Variants in RAD54L2 observed in about 807,000 individuals in gnomAD.
RAD54L2 encodes the protein RAD54 like 2.
Under a neutral mutation model 138.4 loss-of-function variants are expected in RAD54L2, and 27 were observed. That is an observed-to-expected ratio of 0.20 (90% CI 0.14 to 0.27). The LOEUF is 0.27. RAD54L2 is among the 10% of genes least tolerant of loss of function. RAD54L2 has a pLI of 1.00. For synonymous variants in RAD54L2, 644 were observed against 723.2 expected (o/e 0.89, Z 1.76); for missense variants, 1,396 against 1,890.2 (o/e 0.74, Z 4.85).
Position 51,587,117 on chromosome 3 carries a change from C to T in RAD54L2, c.-54-3250C>T, listed in dbSNP as rs1313015654. On this transcript the variant is annotated intron_variant, in intron 2 of 22. Coordinates refer to ENST00000684192, the MANE Select transcript of RAD54L2 (RefSeq NM_015106.4). ...GTGATTTCTTTCTTTTTTTTTTTCT[C>T]GAGATGGGAGTCTCGCTGTGTCGCC... Among the ~76,000 whole-genome samples, 16 of 148,776 alleles carry T rather than the reference C, an allele frequency of 1.1e-4. No individual in the cohort carries two copies. In the East Asian group the frequency reaches 1.8e-3, roughly 16 times the overall value.
At chr3:51,564,649 G>A (rs1699171945) in intron 2 of RAD54L2, among the ~76,000 whole-genome samples, 1 of 152,226 alleles carries the variant, frequency 6.6e-6, no homozygotes, top group Non-Finnish European at 1.5e-5. Context: ...AGGTGCAGTG[G>A]CTCACACCTG....
At position 51,557,249 on chromosome 3, in the gene RAD54L2, G is replaced by T. The variant is rs9866430; in HGVS notation, c.-55+15599G>T. The stretch of plus-strand genomic sequence containing the variant: ...CTGTTGCCCAGGCTGGCATGCAGTG[G>T]CATGGCTCACTGTAGCCTCGACTTC... On this transcript the variant is annotated intron_variant, in intron 2 of 22. Coordinates refer to ENST00000684192, the MANE Select transcript of RAD54L2 (RefSeq NM_015106.4). 2.1e-5 allele frequency among the ~76,000 whole-genome samples: 3 copies of T among 145,414 alleles called. No homozygotes were observed. The East Asian group carries it at 6.3e-4, about 31-fold the overall frequency.
At chr3:51,650,186 AG>A (rs1336625114) in intron 19 of RAD54L2, among the ~76,000 whole-genome samples, 1 of 152,248 alleles carries the variant, frequency 6.6e-6, no homozygotes, top group African/African-American at 2.4e-5. Context: ...AAGGAGACAA[AG>A]AAGGCCATTA....
chr3:51,663,064 G>A lies in RAD54L2; in HGVS notation c.4048G>A (p.Ala1350Thr), dbSNP rs1559660900. 6.2e-7 allele frequency: 1 copy of A among 1,613,918 alleles called. No homozygotes were observed. Among genetic ancestry groups the A allele is most frequent in the Non-Finnish European group, 8.5e-7 (1 of 1,179,894 alleles). ...AGTGACTACTGACCCTCTGGTGCCA[G>A]CAGGCCCCGTCAGTTCCTCTTCCAC... The part of the protein sequence containing the change: ...FPVTTDPLVP[A>T]GPVSSSSTAT... Residue 1350 changes from alanine to threonine, a missense_variant, in exon 23 of 23, where the codon GCA becomes ACA. Coordinates refer to ENST00000684192, the MANE Select transcript of RAD54L2 (RefSeq NM_015106.4).
chr3:51,652,785 G>A (rs1701477844), intron 19 of RAD54L2, among the ~76,000 whole-genome samples: 1 of 152,060 alleles, frequency 6.6e-6, no homozygotes, highest in Non-Finnish European at 1.5e-5. Context: ...AATTCAAGAT[G>A]GATTAAAGAC....
At chr3:51,608,499 G>A (rs1000433272) in intron 3 of RAD54L2, among the ~76,000 whole-genome samples, 3 of 152,198 alleles carry the variant, frequency 2.0e-5, no homozygotes, top group East Asian at 1.9e-4. Flanking sequence ...AGGTTGTAGC[G>A]AGCGGAGATC....
intron 4 of RAD54L2, among the ~76,000 whole-genome samples, chr3:51,628,032 T>G (rs1700733825): frequency 6.6e-6 from 1 of 152,176 alleles, no homozygotes; most frequent in African/African-American, 2.4e-5. Flanking sequence ...GATGATAGGG[T>G]GCTCTGAGCT....
Position 51,633,826 on chromosome 3 carries a change from G to A in RAD54L2, c.1008+67G>A, listed in dbSNP as rs1464623494. 7.1e-5 allele frequency: 114 copies of A among 1,603,156 alleles called. 1 individual carries two copies. The highest frequency in any genetic ancestry group is 7.7e-6 in the Non-Finnish European group (9 of 1,172,932). On this transcript the variant is annotated intron_variant, in intron 8 of 22. Coordinates refer to ENST00000684192, the MANE Select transcript of RAD54L2 (RefSeq NM_015106.4). ...GAGCTCTGTGTTAATGCCTTTACTG[G>A]GCACCAAAAAGCTTGATGAGCTCAG...
At chr3:51,592,822 G>A (rs1371303827) in intron 3 of RAD54L2, among the ~76,000 whole-genome samples, 5 of 152,212 alleles carry the variant, frequency 3.3e-5, no homozygotes, top group African/African-American at 9.6e-5. Context: ...TGATTCACCT[G>A]CCTCGGCTTC....
At chr3:51,563,761 G>C (rs945087648) in intron 2 of RAD54L2, among the ~76,000 whole-genome samples, 2 of 152,128 alleles carry the variant, frequency 1.3e-5, no homozygotes, top group Admixed American at 1.3e-4. Flanking sequence ...TGTTAAGCCT[G>C]CAGATAATGA....
chr3:51,613,552 A>G (rs1001144742), intron 3 of RAD54L2, among the ~76,000 whole-genome samples: 2 of 152,060 alleles, frequency 1.3e-5, no homozygotes, highest in Non-Finnish European at 2.9e-5. Context: ...GTGGGTCACG[A>G]GATCAGGAGT....
rs187222420 is a variant in RAD54L2 at position 51,577,006 on chromosome 3, A to G, written c.-54-13361A>G. On this transcript the variant is annotated intron_variant, in intron 2 of 22. Coordinates refer to ENST00000684192, the MANE Select transcript of RAD54L2 (RefSeq NM_015106.4). ...TAGTGCTATAAATTTTCCTCTACAC[A>G]CTGCTTTAAATGTGTCCCAGAGATT... Among the ~76,000 whole-genome samples, 949 of 152,204 alleles carry G rather than the reference A, an allele frequency of 6.2e-3. 32 individuals are homozygous for G. Among genetic ancestry groups the G allele is most frequent in the Admixed American group, 0.045 (694 of 15,278 alleles).
intron 10 of RAD54L2, among the ~76,000 whole-genome samples, chr3:51,636,092 C>G (rs570619766): frequency 6.6e-6 from 1 of 152,304 alleles, no homozygotes; most frequent in South Asian, 2.1e-4. Context: ...TCCTTTACCA[C>G]TTTCTAGAGA....
Position 51,592,054 on chromosome 3 carries a change from G to GTTTTTTTTTTT in RAD54L2, c.139+1514_139+1524dup, listed in dbSNP as rs71084151. ...TGTAGCTGTGCAATTTGGTTTTGGT[G>GTTTTTTTTTTT]TTTTTTTTTTTTTTTTTTTTTTTTT... On this transcript the variant is annotated intron_variant, in intron 3 of 22. Coordinates refer to ENST00000684192, the MANE Select transcript of RAD54L2 (RefSeq NM_015106.4). Among the ~76,000 whole-genome samples, 4 of 66,872 alleles carry GTTTTTTTTTTT rather than the reference G, an allele frequency of 6.0e-5. 1 individual carries two copies. The Admixed American group carries it at 7.9e-4, about 13-fold the overall frequency. The allele number at this position is 66,872 out of a possible 152,430, so 43.9% of individuals were successfully genotyped here. A position where few individuals can be genotyped will look rare whatever the true frequency, so the allele number is the denominator to read the frequency against.
chr3:51,654,534 C>T (rs556953909), intron 19 of RAD54L2, among the ~76,000 whole-genome samples: 1 of 152,302 alleles, frequency 6.6e-6, no homozygotes, highest in African/African-American at 2.4e-5. Context: ...AAGAGAAAGT[C>T]ACTCTCTTTC....
chr3:51,662,938 C>T lies in RAD54L2; in HGVS notation c.3922C>T (p.Pro1308Ser). Residue 1308 changes from proline to serine, a missense_variant, in exon 23 of 23, where the codon CCC becomes TCC. Transcript: ENST00000684192. This position sits in a 1 kb window ranked among gnomAD's most constrained non-coding sequence, Gnocchi z 4.6. ...PVSLNHNLTTPFTSQAGENSL... is the reference protein window; with the variant it reads ...PVSLNHNLTTSFTSQAGENSL... ...CTCCTTAAACCATAACCTCACCACCCCCTTCACCTCCCAGGCTGGGGAGAA... is the reference window on the plus strand; with the variant it reads ...CTCCTTAAACCATAACCTCACCACCTCCTTCACCTCCCAGGCTGGGGAGAA... 6.2e-7 allele frequency: 1 copy of T among 1,613,922 alleles called. No homozygotes were observed. The highest frequency in any genetic ancestry group is 8.5e-7 in the Non-Finnish European group (1 of 1,179,866).
At chr3:51,613,555 TCAGGAGTTCGAGAC>T (rs940474798) in intron 3 of RAD54L2, among the ~76,000 whole-genome samples, 4 of 151,990 alleles carry the variant, frequency 2.6e-5, no homozygotes, top group African/African-American at 9.7e-5. Context: ...GGTCACGAGA[TCAGGAGTTCGAGAC>T]CAGCCTGGCC....
chr3:51,549,454 A>G (rs913614272), intron 2 of RAD54L2, among the ~76,000 whole-genome samples: 4 of 152,166 alleles, frequency 2.6e-5, no homozygotes, highest in Non-Finnish European at 5.9e-5. Flanking sequence ...CTCCTAATGT[A>G]TATTGTATAG....
rs1203440073 is a variant in RAD54L2 at position 51,646,333 on chromosome 3, C to T, written c.2878C>T (p.Leu960=). Residue 960 remains leucine (L), a synonymous_variant, in exon 19 of 23, where the codon CTA becomes TTA. Coordinates refer to ENST00000684192, the MANE Select transcript of RAD54L2 (RefSeq NM_015106.4). ...GCTCTTGAACCGAAAGGATCACAAG[C>T]TAACCAAGGCTGAGAAAAAAGCAGC... ...SLLLNRKDHK[L]TKAEKKAAKK... 1 of 1,606,562 alleles carries T rather than the reference C, an allele frequency of 6.2e-7. No homozygotes were observed. The highest frequency in any genetic ancestry group is 1.7e-5 in the Admixed American group (1 of 58,688).
Sources: allele counts gnomAD v4.1 joint callset (sites outside exome capture counted in the v4.1 genomes callset), GRCh38; gene constraint gnomAD v4.1.1; non-coding constraint Gnocchi (gnomAD v3.1); transcripts MANE v1.5; gene names NCBI Gene and HGNC (gene_info 2026-07-23, HGNC 2026-07-21).